Variants in CNTNAP2 observed in about 807,000 individuals in gnomAD.
CNTNAP2 encodes the protein contactin associated protein 2.
CNTNAP2 carries 98 observed loss-of-function variants against 155.2 expected under a neutral mutation model. The observed-to-expected ratio is 0.63, with a 90% confidence interval of 0.54 to 0.75. The LOEUF (loss-of-function observed/expected upper bound fraction) is 0.75. CNTNAP2 is among the 30% of genes least tolerant of loss of function. The probability of loss-of-function intolerance (pLI) is 0.00; values close to 1 mark genes in which losing one functional copy is unlikely to be tolerated. For missense variants in CNTNAP2, 1,727 were observed against 1,688.1 expected (o/e 1.02, Z -0.40); for synonymous variants, 651 against 631.2 (o/e 1.03, Z -0.47).
intron 11 of CNTNAP2, among the ~76,000 whole-genome samples, chr7:147,545,133 T>C (rs1799707863): frequency 6.6e-6 from 1 of 152,186 alleles, no homozygotes; most frequent in Admixed American, 6.5e-5. Flanking sequence ...CTGAATTTAT[T>C]ATTACTGGAT....
intron 4 of CNTNAP2, among the ~76,000 whole-genome samples, chr7:147,044,578 A>G (rs1263508179): frequency 3.9e-5 from 6 of 152,172 alleles, no homozygotes; most frequent in Non-Finnish European, 8.8e-5. Flanking sequence ...ATTTTTTCAA[A>G]TTGATTTGGT....
intron 15 of CNTNAP2, among the ~76,000 whole-genome samples, chr7:148,083,963 A>C (rs1365428492): frequency 6.6e-6 from 1 of 152,200 alleles, no homozygotes; most frequent in Non-Finnish European, 1.5e-5. Context: ...TTTTTAAACC[A>C]GGATCTGACA....
At chr7:147,515,341 T>TTTTA (rs1799102791) in intron 11 of CNTNAP2, among the ~76,000 whole-genome samples, 1 of 148,680 alleles carries the variant, frequency 6.7e-6, no homozygotes, top group Admixed American at 6.7e-5. Context: ...TTGTTTGTTT[T>TTTTA]GAGACAAGTC....
At chr7:146,919,393 C>G (rs1796454749) in intron 3 of CNTNAP2, among the ~76,000 whole-genome samples, 1 of 152,158 alleles carries the variant, frequency 6.6e-6, no homozygotes, top group Non-Finnish European at 1.5e-5. Context: ...TGATGTGGTG[C>G]TCTCCTCTTC....
At chr7:148,192,353 G>A (rs534748850) in intron 18 of CNTNAP2, among the ~76,000 whole-genome samples, 54 of 151,976 alleles carry the variant, frequency 3.6e-4, no homozygotes, top group East Asian at 1.4e-3. Flanking sequence ...TGTCTGTCTC[G>A]GTCTGACTTG....
intron 12 of CNTNAP2, among the ~76,000 whole-genome samples, chr7:147,602,514 G>A (rs938725862): frequency 2.0e-5 from 3 of 148,390 alleles, no homozygotes; most frequent in Non-Finnish European, 3.0e-5. Context: ...AATACTTTAA[G>A]TTTTAGGGTA....
At chr7:147,101,304 T>C (rs1289506227) in intron 4 of CNTNAP2, among the ~76,000 whole-genome samples, 1 of 151,918 alleles carries the variant, frequency 6.6e-6, no homozygotes, top group Non-Finnish European at 1.5e-5. Flanking sequence ...GACGGGAGAG[T>C]TCCCTGGACC....
At chr7:146,946,961 A>G (rs551425021) in intron 3 of CNTNAP2, among the ~76,000 whole-genome samples, 1 of 152,182 alleles carries the variant, frequency 6.6e-6, no homozygotes, top group Non-Finnish European at 1.5e-5. Context: ...GTTCCTGTAG[A>G]TTTAGACTGC....
At chr7:147,000,746 G>A (rs998159479) in intron 3 of CNTNAP2, among the ~76,000 whole-genome samples, 1 of 152,142 alleles carries the variant, frequency 6.6e-6, no homozygotes, top group Non-Finnish European at 1.5e-5. Context: ...GCTAGGGTGT[G>A]CTTGAAGCCC....
At chr7:147,241,799 GATAAA>G (rs1010529568) in intron 8 of CNTNAP2, among the ~76,000 whole-genome samples, 1 of 152,098 alleles carries the variant, frequency 6.6e-6, no homozygotes, top group African/African-American at 2.4e-5. Flanking sequence ...AGAATTGCTA[GATAAA>G]ATAAGAGGCC....
intron 13 of CNTNAP2, among the ~76,000 whole-genome samples, chr7:147,786,353 C>T (rs1329357212): frequency 1.3e-5 from 2 of 148,774 alleles, no homozygotes; most frequent in East Asian, 4.0e-4. Context: ...GACCCAAAGA[C>T]TCTCAACAGT....
rs116570702 is a variant in CNTNAP2 at position 146,707,190 on chromosome 7, G to A, written c.98-67081G>A. On this transcript the variant is annotated intron_variant, in intron 1 of 23. Transcript: ENST00000361727. ...CTATCACAGCCATTTCAAGAGGCTG[G>A]GACCTGAAGCCCCAGTGTGTGCCTG... 9.4e-3 allele frequency among the ~76,000 whole-genome samples: 1,431 copies of A among 152,168 alleles called. 21 individuals are homozygous for A. Among genetic ancestry groups the A allele is most frequent in the African/African-American group, 0.032 (1,327 of 41,512 alleles).
chr7:146,667,683 G>C (rs1800221676), intron 1 of CNTNAP2, among the ~76,000 whole-genome samples: 1 of 149,798 alleles, frequency 6.7e-6, no homozygotes, highest in Non-Finnish European at 1.5e-5. Flanking sequence ...TAAAGGTTTT[G>C]TACCTCCTTG....
chr7:147,870,159 A>C (rs995335400), intron 13 of CNTNAP2, among the ~76,000 whole-genome samples: 3 of 152,104 alleles, frequency 2.0e-5, no homozygotes, highest in Non-Finnish European at 4.4e-5. Flanking sequence ...TGTGCAAGAG[A>C]TTTATGGTAT....
At chr7:147,144,644 A>G (rs985553550) in intron 8 of CNTNAP2, among the ~76,000 whole-genome samples, 7 of 152,224 alleles carry the variant, frequency 4.6e-5, no homozygotes, top group Non-Finnish European at 8.8e-5. Flanking sequence ...TGATGAGGGA[A>G]ATAAACCCTT....
chr7:146,165,889 T>C (rs1798305544), intron 1 of CNTNAP2, among the ~76,000 whole-genome samples: 1 of 152,174 alleles, frequency 6.6e-6, no homozygotes, highest in African/African-American at 2.4e-5. Context: ...ATTTTAATGG[T>C]ATATCAACCC....
chr7:147,201,145 G>A (rs1403187508), intron 8 of CNTNAP2, among the ~76,000 whole-genome samples: 1 of 152,066 alleles, frequency 6.6e-6, no homozygotes, highest in East Asian at 1.9e-4. Context: ...GTCAGAGAGA[G>A]GCCTTTTCAC....
At chr7:146,703,234 C>G (rs1046676110) in intron 1 of CNTNAP2, among the ~76,000 whole-genome samples, 4 of 152,008 alleles carry the variant, frequency 2.6e-5, no homozygotes, top group Non-Finnish European at 5.9e-5. Flanking sequence ...TGAAATAAAC[C>G]ATGTGGTCTC....
intron 4 of CNTNAP2, among the ~76,000 whole-genome samples, chr7:147,069,897 C>T (rs942803989): frequency 6.6e-6 from 1 of 152,112 alleles, no homozygotes. Flanking sequence ...TTGTTATTAA[C>T]TAATTTAAAT....
Sources: allele counts gnomAD v4.1 joint callset (sites outside exome capture counted in the v4.1 genomes callset), GRCh38; gene constraint gnomAD v4.1.1; transcripts MANE v1.5; gene names NCBI Gene and HGNC (gene_info 2026-07-23, HGNC 2026-07-21).